Variants in SGCZ observed in about 807,000 individuals in gnomAD.
The protein encoded by SGCZ is sarcoglycan zeta.
SGCZ carries 40 observed loss-of-function variants against 41.3 expected under a neutral mutation model. The ratio of observed to expected loss-of-function variants is 0.97; its 90% CI spans 0.75 to 1.26. SGCZ has a LOEUF of 1.26. SGCZ is among the 50% of genes most tolerant of loss of function. The pLI is 0.00. For synonymous variants in SGCZ, 206 were observed against 137.5 expected, an observed-to-expected ratio of 1.50 and a Z score of -3.49; for missense variants, 552 against 369.8, an observed-to-expected ratio of 1.49 and a Z score of -4.04.
In SGCZ at chr8:14,085,240, A is replaced by T. The variant is rs1482407881; in HGVS notation, c.*5203T>A. ...TACAAACATGTTGCATAGTATGTGT[A>T]AGAAAATAGTTCCATTTTTCATATA... On this transcript the variant is annotated 3_prime_UTR_variant, in exon 8 of 8. Transcript: ENST00000382080. 1.3e-5 allele frequency among the ~76,000 whole-genome samples: 2 copies of T among 151,826 alleles called. No homozygotes were observed. Among genetic ancestry groups the T allele is most frequent in the African/African-American group, 4.8e-5 (2 of 41,416 alleles).
chr8:14,101,845 G>GA (rs1281366661), intron 7 of SGCZ, among the ~76,000 whole-genome samples: 3 of 151,448 alleles, frequency 2.0e-5, no homozygotes, highest in Admixed American at 2.0e-4. Flanking sequence ...GAAGCATAAA[G>GA]AAGTGCTTTG....
intron 3 of SGCZ, among the ~76,000 whole-genome samples, chr8:14,293,832 C>G (rs1800924332): frequency 6.6e-6 from 1 of 151,880 alleles, no homozygotes; most frequent in African/African-American, 2.4e-5. Flanking sequence ...TATCAGTTGT[C>G]TTTAGAAGAT....
chr8:14,631,423 G>C lies in SGCZ; in HGVS notation c.40-76497C>G, dbSNP rs115710294. Among the ~76,000 whole-genome samples the C allele has an allele frequency of 8.8e-3, 1,338 of 151,912 alleles. 18 individuals carry two copies. The highest frequency in any genetic ancestry group is 0.031 in the African/African-American group (1,268 of 41,416). On this transcript the variant is annotated intron_variant, in intron 1 of 7. Coordinates refer to ENST00000382080, the MANE Select transcript of SGCZ (RefSeq NM_139167.4). ...CCATGTTGAGTGGTGCCATGTCGTA[G>C]CTTGAAACTGGCCATAGTGGAGGTA... is the stretch of plus-strand genomic sequence containing the variant.
chr8:14,273,822 T>C (rs151274289), intron 3 of SGCZ, among the ~76,000 whole-genome samples: 1 of 152,216 alleles, frequency 6.6e-6, no homozygotes, highest in African/African-American at 2.4e-5. Flanking sequence ...CAACAAAATA[T>C]TTTATATTTT....
At chr8:15,164,833 G>A (rs187293150) in intron 1 of SGCZ, among the ~76,000 whole-genome samples, 3 of 152,152 alleles carry the variant, frequency 2.0e-5, no homozygotes, top group Non-Finnish European at 2.9e-5. Flanking sequence ...TTGCGGGTAT[G>A]GCTGTAACCC....
At chr8:14,274,720 T>G (rs1375736239) in intron 3 of SGCZ, among the ~76,000 whole-genome samples, 1 of 151,356 alleles carries the variant, frequency 6.6e-6, no homozygotes, top group Admixed American at 6.6e-5. Flanking sequence ...TTTCCACATA[T>G]AATTTTTTTC....
intron 1 of SGCZ, among the ~76,000 whole-genome samples, chr8:14,620,227 G>A (rs1806238852): frequency 6.6e-6 from 1 of 152,112 alleles, no homozygotes; most frequent in Non-Finnish European, 1.5e-5. Context: ...GGGAAAACTG[G>A]CTAGCCATAT....
At chr8:15,160,180 GA>G (rs1312636037) in intron 1 of SGCZ, among the ~76,000 whole-genome samples, 1 of 152,014 alleles carries the variant, frequency 6.6e-6, no homozygotes, top group Non-Finnish European at 1.5e-5. Context: ...CTGTGAATCT[GA>G]CTACTCTAGA....
At chr8:14,445,517 G>C (rs1347023258) in intron 2 of SGCZ, among the ~76,000 whole-genome samples, 1 of 152,002 alleles carries the variant, frequency 6.6e-6, no homozygotes, top group Non-Finnish European at 1.5e-5. Context: ...ACCTGACTTT[G>C]GGGAACACTA....
intron 1 of SGCZ, among the ~76,000 whole-genome samples, chr8:14,602,350 G>C (rs1466559945): frequency 5.3e-5 from 8 of 151,880 alleles, no homozygotes; most frequent in Non-Finnish European, 1.2e-4. Flanking sequence ...TGTCACCCAG[G>C]CATGGTGGCT....
intron 1 of SGCZ, among the ~76,000 whole-genome samples, chr8:15,061,628 C>G (rs1397730550): frequency 6.6e-6 from 1 of 152,018 alleles, no homozygotes; most frequent in East Asian, 1.9e-4. Context: ...ACTCAGTGCT[C>G]TTTCCTTTTT....
rs539810634 is a variant in SGCZ, at chr8:14,185,344, A to T, written c.425-20642T>A. Among the ~76,000 whole-genome samples, 267 of 152,278 alleles carry T rather than the reference A, an allele frequency of 1.8e-3. 1 individual carries two copies. Among genetic ancestry groups the T allele is most frequent in the South Asian group, 5.0e-3 (24 of 4,826 alleles). On this transcript the variant is annotated intron_variant, in intron 4 of 7. Coordinates refer to ENST00000382080, the MANE Select transcript of SGCZ (RefSeq NM_139167.4). Reference sequence around the variant, plus strand: ...CTTGAACCAGGGAGGCGTAGGTTGCAGTGAGCCGAGATCACGCCACTGCAC... The same window carrying T: ...CTTGAACCAGGGAGGCGTAGGTTGCTGTGAGCCGAGATCACGCCACTGCAC...
intron 1 of SGCZ, among the ~76,000 whole-genome samples, chr8:14,949,994 CA>C (rs2130834004): frequency 6.6e-6 from 1 of 152,122 alleles, no homozygotes; most frequent in East Asian, 1.9e-4. Context: ...AACACCAGGT[CA>C]TTTCTTTCTT....
chr8:15,011,668 G>A (rs908955716), intron 1 of SGCZ, among the ~76,000 whole-genome samples: 1 of 152,016 alleles, frequency 6.6e-6, no homozygotes. Context: ...TCTAAATACT[G>A]TCTCCCCACA....
intron 1 of SGCZ, among the ~76,000 whole-genome samples, chr8:15,153,627 G>A (rs964932152): frequency 6.6e-6 from 1 of 152,080 alleles, no homozygotes; most frequent in Admixed American, 6.6e-5. Context: ...CTCTCGCTCT[G>A]AGTTCTGGCC....
intron 1 of SGCZ, among the ~76,000 whole-genome samples, chr8:14,668,019 C>A (rs1172299800): frequency 6.6e-6 from 1 of 152,134 alleles, no homozygotes; most frequent in Non-Finnish European, 1.5e-5. Flanking sequence ...TGCAGTGGCA[C>A]AATCCCGGCT....
At chr8:14,763,738 A>G (rs1347408319) in intron 1 of SGCZ, among the ~76,000 whole-genome samples, 1 of 152,180 alleles carries the variant, frequency 6.6e-6, no homozygotes, top group Non-Finnish European at 1.5e-5. Context: ...CAGTTTAACC[A>G]TGAAAGAGTT....
chr8:14,500,546 C>CA (rs947078164), intron 2 of SGCZ, among the ~76,000 whole-genome samples: 2 of 151,026 alleles, frequency 1.3e-5, no homozygotes, highest in African/African-American at 2.4e-5. Context: ...CAAGATACAG[C>CA]AAAAAAAGTC....
intron 2 of SGCZ, among the ~76,000 whole-genome samples, chr8:14,329,711 ATAT>A (rs1321432825): frequency 2.6e-5 from 4 of 152,152 alleles, no homozygotes; most frequent in Admixed American, 6.6e-5. Context: ...TTTAGGGGAA[ATAT>A]TATAAAACAG....
Sources: allele counts gnomAD v4.1 joint callset (sites outside exome capture counted in the v4.1 genomes callset), GRCh38; gene constraint gnomAD v4.1.1; transcripts MANE v1.5; gene names NCBI Gene and HGNC (gene_info 2026-07-23, HGNC 2026-07-21).